The following PRKN variants were observed in gnomAD, a reference collection of about 807,000 sequenced individuals.
The protein encoded by PRKN is parkin RBR E3 ubiquitin protein ligase.
Under a neutral mutation model 59.5 loss-of-function variants are expected in PRKN, and 56 were observed. That is an observed-to-expected ratio of 0.94 (90% CI 0.76 to 1.18). The LOEUF is 1.18. Ranked by LOEUF, PRKN falls within the 50% of genes most tolerant of loss-of-function variation. The pLI is 0.00. For missense variants in PRKN, 657 were observed against 596.4 expected (o/e 1.10, Z -1.06); for synonymous variants, 250 against 222.1 (o/e 1.13, Z -1.12).
At chr6:162,525,980 G>T (rs4580835) in intron 1 of PRKN, among the ~76,000 whole-genome samples, 74,548 of 151,584 alleles carry the variant, frequency 0.49, 18,978 homozygotes, top group South Asian at 0.74. Context: ...CTCAGCTTCA[G>T]ACTACAGGTG....
chr6:161,531,362 C>T (rs940544878), intron 9 of PRKN, among the ~76,000 whole-genome samples: 117 of 146,066 alleles, frequency 8.0e-4, no homozygotes, highest in Admixed American at 1.8e-3. Context: ...GCCTGGATGA[C>T]AGAGCGAGAC....
intron 1 of PRKN, among the ~76,000 whole-genome samples, chr6:162,576,528 C>T (rs1441230208): frequency 6.6e-6 from 1 of 152,276 alleles, no homozygotes; most frequent in East Asian, 1.9e-4. Flanking sequence ...AAAGGTACTA[C>T]TGGCTTGGTG....
rs959154594 is a variant in PRKN at position 161,547,445 on chromosome 6, A to C, written c.1083+1409T>G. Among the ~76,000 whole-genome samples, 1 of 152,228 alleles carries C rather than the reference A, an allele frequency of 6.6e-6. No individual in the cohort carries two copies. Among genetic ancestry groups the C allele is most frequent in the African/African-American group, 2.4e-5 (1 of 41,466 alleles). ...AAAGATATTCAAGATTTCACATTACATAAACCCTTCAACATTCTTAAAGCA... is the reference window on the plus strand; with the variant it reads ...AAAGATATTCAAGATTTCACATTACCTAAACCCTTCAACATTCTTAAAGCA... On this transcript the variant is annotated intron_variant, in intron 9 of 11. Transcript: ENST00000366898. The surrounding 1 kb of genome is among the most constrained non-coding windows in gnomAD (Gnocchi z 4.0).
rs1228377845 is a variant in PRKN at position 161,391,528 on chromosome 6, A to G, written c.1084-4651T>C. On this transcript the variant is annotated intron_variant, in intron 9 of 11. Transcript: ENST00000366898. The surrounding 1 kb of genome is among the most constrained non-coding windows in gnomAD (Gnocchi z 4.9). ...GGCTCTCTAAAGTCTATTCCCTTAT[A>G]GATTTGGTTAGAAGGCAATCAAACA... Among the ~76,000 whole-genome samples, 1 of 151,662 alleles carries G rather than the reference A, an allele frequency of 6.6e-6. No individual in the cohort carries two copies. Among genetic ancestry groups the G allele is most frequent in the Non-Finnish European group, 1.5e-5 (1 of 67,968 alleles).
At chr6:161,650,828 G>A (rs1051025916) in intron 7 of PRKN, among the ~76,000 whole-genome samples, 2 of 152,126 alleles carry the variant, frequency 1.3e-5, no homozygotes, top group African/African-American at 4.8e-5. Context: ...CACAGTGAAG[G>A]GAGCATGTGC....
At chr6:161,755,926 G>C (rs903071617) in intron 7 of PRKN, among the ~76,000 whole-genome samples, 1 of 152,038 alleles carries the variant, frequency 6.6e-6, no homozygotes, top group Non-Finnish European at 1.5e-5. Context: ...GTGGGCAATA[G>C]GTGTTGGAAA....
intron 9 of PRKN, among the ~76,000 whole-genome samples, chr6:161,504,063 A>G (rs1162180961): frequency 6.6e-6 from 1 of 152,206 alleles, no homozygotes; most frequent in African/African-American, 2.4e-5. Context: ...ATATATTTAA[A>G]AAGCTATACC....
chr6:161,653,368 A>AAACAACAAC (rs112738155), intron 7 of PRKN, among the ~76,000 whole-genome samples: 4 of 151,982 alleles, frequency 2.6e-5, no homozygotes, highest in African/African-American at 9.7e-5. Flanking sequence ...ATCTTCTCAA[A>AAACAACAAC]AACAACAACA....
chr6:162,675,956 G>C (rs184671609), intron 1 of PRKN, among the ~76,000 whole-genome samples: 2 of 152,290 alleles, frequency 1.3e-5, no homozygotes, highest in Non-Finnish European at 2.9e-5. Flanking sequence ...ACAAAAGTAT[G>C]TGTAATTATT....
At chr6:161,962,974 G>A (rs1160578496) in intron 6 of PRKN, among the ~76,000 whole-genome samples, 5 of 152,078 alleles carry the variant, frequency 3.3e-5, no homozygotes, top group Admixed American at 1.3e-4. Flanking sequence ...GCGAAACCCC[G>A]TCTCTACTAA....
intron 5 of PRKN, among the ~76,000 whole-genome samples, chr6:162,037,840 C>T (rs1021713170): frequency 3.9e-5 from 6 of 152,036 alleles, no homozygotes; most frequent in South Asian, 2.1e-4. Flanking sequence ...CCACTACATC[C>T]GGCCTTACCC....
intron 2 of PRKN, among the ~76,000 whole-genome samples, chr6:162,337,850 G>C (rs2128126812): frequency 6.6e-6 from 1 of 152,196 alleles, no homozygotes; most frequent in East Asian, 1.9e-4. Flanking sequence ...GGGATTATAG[G>C]ATATTTTAAG....
At chr6:162,090,778 T>C (rs530421031) in intron 4 of PRKN, among the ~76,000 whole-genome samples, 6 of 152,312 alleles carry the variant, frequency 3.9e-5, no homozygotes, top group Middle Eastern at 3.4e-3. Flanking sequence ...CTATCTAGAA[T>C]GACAGAAATG....
At position 161,836,012 on chromosome 6, in the gene PRKN, C is replaced by CT. The variant is rs533399419; in HGVS notation, c.735-50105dup. On this transcript the variant is annotated intron_variant, in intron 6 of 11. Coordinates refer to ENST00000366898, the MANE Select transcript of PRKN (RefSeq NM_004562.3). Reference sequence around the variant, plus strand: ...AAATGACTCTCAGTATATTCAATGGCTTTTTGCCAGAAAGATGACAGGCTT... The same window carrying CT: ...AAATGACTCTCAGTATATTCAATGGCTTTTTTGCCAGAAAGATGACAGGCTT... Among the ~76,000 whole-genome samples the CT allele has an allele frequency of 3.2e-3, 482 of 152,188 alleles. 10 individuals are homozygous for CT. Among genetic ancestry groups the CT allele is most frequent in the South Asian group, 0.031 (147 of 4,814 alleles).
chr6:161,747,592 G>A (rs987879946), intron 7 of PRKN, among the ~76,000 whole-genome samples: 2 of 152,298 alleles, frequency 1.3e-5, no homozygotes, highest in East Asian at 3.9e-4. Flanking sequence ...ACGTGGGCAC[G>A]ACAATATTAG....
intron 1 of PRKN, among the ~76,000 whole-genome samples, chr6:162,490,620 T>G (rs1253498909): frequency 6.6e-6 from 1 of 152,192 alleles, no homozygotes; most frequent in Non-Finnish European, 1.5e-5. Context: ...TATTTGATAT[T>G]TCTAATAAAT....
intron 9 of PRKN, among the ~76,000 whole-genome samples, chr6:161,489,232 G>GAA (rs35552619): frequency 0.42 from 61,560 of 147,432 alleles, 15,439 homozygotes; most frequent in Middle Eastern, 0.57. Flanking sequence ...ATTCATACTG[G>GAA]AAAAAAAAAA....
At position 162,635,487 on chromosome 6, in the gene PRKN, T is replaced by C. The variant is rs1453099362; in HGVS notation, c.7+92175A>G. 2.0e-5 allele frequency among the ~76,000 whole-genome samples: 3 copies of C among 152,322 alleles called. No homozygotes were observed. In the East Asian group the frequency reaches 5.8e-4, roughly 29 times the overall value. On this transcript the variant is annotated intron_variant, in intron 1 of 11. Transcript: ENST00000366898. ...TTGATTTTATATGAGACTGTTAGTG[T>C]TTCTGATGCCATTTTTACCCTGAAA...
intron 9 of PRKN, among the ~76,000 whole-genome samples, chr6:161,437,286 A>G (rs188005539): frequency 6.6e-6 from 1 of 152,222 alleles, no homozygotes; most frequent in Admixed American, 6.5e-5. Flanking sequence ...CCAGATGGCT[A>G]CTAAGTGACT....
Sources: allele counts gnomAD v4.1 joint callset (sites outside exome capture counted in the v4.1 genomes callset), GRCh38; gene constraint gnomAD v4.1.1; non-coding constraint Gnocchi (gnomAD v3.1); transcripts MANE v1.5; gene names NCBI Gene and HGNC (gene_info 2026-07-23, HGNC 2026-07-21).